AFAP1L2: variants seen among roughly 807,000 people sequenced by gnomAD.
AFAP1L2 encodes the protein actin filament associated protein 1 like 2.
A neutral mutation model predicts 99.3 loss-of-function variants in AFAP1L2; 46 were observed. That is an observed-to-expected ratio of 0.46 (90% confidence interval 0.37 to 0.59). The LOEUF (loss-of-function observed/expected upper bound fraction) is 0.59, where lower values mean the gene tolerates loss of function less well. Among genes scored for constraint, AFAP1L2 ranks in the 20% least tolerant of loss-of-function variants. The pLI is 0.00. For missense variants in AFAP1L2, 959 were observed against 1,034.9 expected, an observed-to-expected ratio of 0.93 and a Z score of 1.01; for synonymous variants, 397 against 419.1, an observed-to-expected ratio of 0.95 and a Z score of 0.64.
At chr10:114,337,621 T>C (rs751594572) in intron 2 of AFAP1L2, among the ~76,000 whole-genome samples, 6 of 152,054 alleles carry the variant, frequency 3.9e-5, no homozygotes, top group Non-Finnish European at 8.8e-5. Flanking sequence ...CCTGACTTTA[T>C]AAGAGCCGAT....
At chr10:114,316,822 T>C (rs1339630628) in intron 5 of AFAP1L2, among the ~76,000 whole-genome samples, 2 of 152,226 alleles carry the variant, frequency 1.3e-5, no homozygotes, top group East Asian at 3.8e-4. Flanking sequence ...CCTCAGGATT[T>C]CAGTCCAACC....
Position 114,308,476 on chromosome 10 carries a change from C to G in AFAP1L2, c.924G>C (p.Gly308=). ...AEKYLSASEY[G]SSVDGHPEVP... Reference sequence around the variant, plus strand: ...CCTCAGGGTGGCCATCCACGGAGCTCCCATACTCTGAAGCCGACAGGTACT... The same window carrying G: ...CCTCAGGGTGGCCATCCACGGAGCTGCCATACTCTGAAGCCGACAGGTACT... Residue 308 remains glycine, a synonymous_variant, in exon 9 of 19, where the codon GGG becomes GGC. Coordinates refer to ENST00000304129, the MANE Select transcript of AFAP1L2 (RefSeq NM_001001936.3). 6.2e-7 allele frequency: 1 copy of G among 1,614,170 alleles called. No homozygotes were observed. The highest frequency in any genetic ancestry group is 8.5e-7 in the Non-Finnish European group (1 of 1,180,026).
chr10:114,332,787 G>C (rs1176626105), intron 3 of AFAP1L2, among the ~76,000 whole-genome samples: 2 of 152,188 alleles, frequency 1.3e-5, no homozygotes, highest in Non-Finnish European at 2.9e-5. Context: ...TTCCGCCAAA[G>C]TCAGCACCTT....
At chr10:114,285,443 C>G in the AFAP1L2 span, among the ~76,000 whole-genome samples, 4 of 152,304 alleles carry the variant, frequency 2.6e-5, no homozygotes, top group South Asian at 8.3e-4. Flanking sequence ...CCATGCTTGA[C>G]GCATATAAGG....
At chr10:114,281,751 GCT>G in the AFAP1L2 span, 3 of 985,324 alleles carry the variant, frequency 3.0e-6, no homozygotes, top group Non-Finnish European at 2.4e-6. Context: ...CTCCTTCAGT[GCT>G]CTTCTCTCCC....
chr10:114,397,244 C>A (rs1453836840), intron 1 of AFAP1L2, among the ~76,000 whole-genome samples: 1 of 152,202 alleles, frequency 6.6e-6, no homozygotes, highest in Non-Finnish European at 1.5e-5. Context: ...CCCTCACGCC[C>A]TTTGTGGCTC....
intron 3 of AFAP1L2, 41 bp downstream of exon 3, chr10:114,333,180 G>T: frequency 6.4e-7 from 1 of 1,560,758 alleles, no homozygotes; most frequent in Non-Finnish European, 8.8e-7. Flanking sequence ...CCCATCCCAG[G>T]AGTGGCCATC....
chr10:114,308,648 C>G, intron 8 of AFAP1L2, 131 bp from the exon 9 acceptor site: 1 of 746,400 alleles, frequency 1.3e-6, no homozygotes, highest in Non-Finnish European at 2.2e-6. Flanking sequence ...CCCTGCCGGC[C>G]ACCTAAACGG....
intron 1 of AFAP1L2, among the ~76,000 whole-genome samples, chr10:114,386,641 G>A (rs1055896613): frequency 9.2e-5 from 14 of 152,130 alleles, no homozygotes; most frequent in East Asian, 1.9e-4. Flanking sequence ...GGCAGCAGCC[G>A]GAACTGCACC....
At chr10:114,313,248 T>C (rs1293228742) in intron 7 of AFAP1L2, among the ~76,000 whole-genome samples, 1 of 152,080 alleles carries the variant, frequency 6.6e-6, no homozygotes, top group Non-Finnish European at 1.5e-5. Flanking sequence ...TGGTGCAAAC[T>C]TTACATCCGC....
intron 1 of AFAP1L2, among the ~76,000 whole-genome samples, chr10:114,370,333 C>T (rs370561150): frequency 2.6e-5 from 4 of 152,170 alleles, no homozygotes; most frequent in Admixed American, 6.5e-5. Flanking sequence ...CAGCTATTTT[C>T]GTGGTTGCTA....
In AFAP1L2 at chr10:114,297,080, G is replaced by C; in HGVS notation, c.2328C>G (p.Ala776=). The change falls in exon 18 of 19, where the codon GCC becomes GCG. Residue 776 remains alanine (A), a synonymous_variant. Transcript: ENST00000304129. ...TGACTGGGGTACAGTCTGGGGCAGA[G>C]GCAGGTGTGACAGCTTTGGGCTGTG... The part of the protein sequence containing the change: ...VSPRPKAVTP[A]SAPDCTPVNS... The C allele has an allele frequency of 6.2e-7, 1 of 1,614,226 alleles. No homozygotes were observed. Among genetic ancestry groups the C allele is most frequent in the Non-Finnish European group, 8.5e-7 (1 of 1,180,042 alleles).
chr10:114,303,803 T>G (rs1445559146), intron 11 of AFAP1L2, among the ~76,000 whole-genome samples: 1 of 152,134 alleles, frequency 6.6e-6, no homozygotes, highest in Non-Finnish European at 1.5e-5. Flanking sequence ...CTGAAAGCCA[T>G]CAGGGCTCCG....
At chr10:114,392,271 T>A (rs543985024) in intron 1 of AFAP1L2, among the ~76,000 whole-genome samples, 10 of 152,262 alleles carry the variant, frequency 6.6e-5, no homozygotes, top group African/African-American at 2.2e-4. Context: ...GCACCTGTAG[T>A]CCCAGCTGCT....
intron 8 of AFAP1L2, 64 bp from the exon 9 acceptor site, chr10:114,308,581 T>C (rs950496935): frequency 1.3e-5 from 19 of 1,427,788 alleles, no homozygotes; most frequent in African/African-American, 5.6e-5. Flanking sequence ...GAGACCACAA[T>C]TGAAGGGAAA....
chr10:114,299,345 T>C lies in AFAP1L2; in HGVS notation c.2028A>G (p.Glu676=). ...KRYTEEKERL[E]KKKEEIRGHL... Reference sequence around the variant, plus strand: ...GCCCCCGGATTTCTTCCTTCTTCTTTTCAAGCCTCTCCTTCTCCTCTGTGT... The same window carrying C: ...GCCCCCGGATTTCTTCCTTCTTCTTCTCAAGCCTCTCCTTCTCCTCTGTGT... The change falls in exon 16 of 19, where the codon GAA becomes GAG. Residue 676 remains glutamate, a synonymous_variant. Coordinates refer to ENST00000304129, the MANE Select transcript of AFAP1L2 (RefSeq NM_001001936.3). 1.2e-6 allele frequency: 2 copies of C among 1,614,256 alleles called. No homozygotes were observed. Among genetic ancestry groups the C allele is most frequent in the Non-Finnish European group, 1.7e-6 (2 of 1,180,042 alleles).
intron 1 of AFAP1L2, among the ~76,000 whole-genome samples, chr10:114,367,151 T>C (rs530774928): frequency 7.2e-5 from 11 of 152,166 alleles, no homozygotes; most frequent in Non-Finnish European, 1.3e-4. Context: ...CTGGCTGAGC[T>C]GAAAGGAAAA....
intron 1 of AFAP1L2, among the ~76,000 whole-genome samples, chr10:114,349,380 T>C (rs2050088921): frequency 1.1e-5 from 1 of 92,606 alleles, no homozygotes; most frequent in South Asian, 3.8e-4. Context: ...TGAAACTCGG[T>C]CTCAAAAAAA....
chr10:114,303,187 T>C (rs2041529803), intron 11 of AFAP1L2, among the ~76,000 whole-genome samples: 1 of 150,760 alleles, frequency 6.6e-6, no homozygotes, highest in Non-Finnish European at 1.5e-5. Context: ...TAGGTTTATT[T>C]TGATGAGGAA....
Sources: allele counts gnomAD v4.1 joint callset (sites outside exome capture counted in the v4.1 genomes callset), GRCh38; gene constraint gnomAD v4.1.1; transcripts MANE v1.5; gene names NCBI Gene and HGNC (gene_info 2026-07-23, HGNC 2026-07-21).